RASSF8: variants seen among roughly 807,000 people sequenced by gnomAD.
RASSF8 encodes the protein Ras association domain family member 8, also known as ras association domain-containing protein 8.
In RASSF8, 22 loss-of-function variants were observed where a neutral mutation model predicts 48.5. That is an observed-to-expected ratio of 0.45 (90% CI 0.32 to 0.65). The LOEUF (loss-of-function observed/expected upper bound fraction) is 0.65, where lower values mean the gene tolerates loss of function less well. RASSF8 is among the 30% of genes least tolerant of loss of function. The pLI, the probability that RASSF8 is intolerant of heterozygous loss-of-function variation, is 0.03. For synonymous variants in RASSF8, 127 were observed against 171.5 expected (o/e 0.74, Z 2.03); for missense variants, 418 against 489.2 (o/e 0.85, Z 1.37).
intron 2 of RASSF8, among the ~76,000 whole-genome samples, chr12:26,026,651 G>A (rs558670263): frequency 1.2e-4 from 18 of 152,230 alleles, no homozygotes; most frequent in Admixed American, 1.1e-3. Context: ...GCCCAGGCTG[G>A]TCTTGAACTC....
intron 1 of RASSF8, among the ~76,000 whole-genome samples, chr12:25,992,262 C>A (rs1467434299): frequency 6.6e-6 from 1 of 152,162 alleles, no homozygotes; most frequent in Non-Finnish European, 1.5e-5. Context: ...AGTGTCTCTG[C>A]CCTCAAGAAG....
intron 2 of RASSF8, among the ~76,000 whole-genome samples, chr12:26,048,480 A>C (rs1943420263): frequency 6.6e-6 from 1 of 152,210 alleles, no homozygotes; most frequent in African/African-American, 2.4e-5. Flanking sequence ...GGTGGATTCC[A>C]GTTAGAGGTG....
At chr12:26,043,639 C>T (rs1420606285) in intron 2 of RASSF8, among the ~76,000 whole-genome samples, 2 of 152,104 alleles carry the variant, frequency 1.3e-5, no homozygotes, top group African/African-American at 4.8e-5. Flanking sequence ...CTCAAAGCAG[C>T]GTTATTTGTA....
downstream of RASSF8, among the ~76,000 whole-genome samples, chr12:26,077,518 G>A (rs544519325): frequency 2.0e-5 from 3 of 152,184 alleles, no homozygotes; most frequent in South Asian, 4.1e-4. Context: ...ATTAAATAGG[G>A]AATCCTTTCC....
chr12:25,991,194 T>TA (rs35169097), intron 1 of RASSF8, among the ~76,000 whole-genome samples: 31 of 148,924 alleles, frequency 2.1e-4, no homozygotes, highest in African/African-American at 5.9e-4. Flanking sequence ...TTCTGTTGTT[T>TA]AAAAAAAAAA....
chr12:25,980,413 T>A (rs1941713563), intron 1 of RASSF8, among the ~76,000 whole-genome samples: 2 of 152,246 alleles, frequency 1.3e-5, no homozygotes, highest in African/African-American at 4.8e-5. Context: ...GTTTTCTGCA[T>A]GGGGTAGGAA....
rs142715031 is a variant in RASSF8 at position 26,046,480 on chromosome 12, G to A, written c.-108-8756G>A. Among the ~76,000 whole-genome samples, 286 of 152,158 alleles carry A rather than the reference G, an allele frequency of 1.9e-3. 3 individuals are homozygous for A. Among genetic ancestry groups the A allele is most frequent in the African/African-American group, 6.6e-3 (274 of 41,502 alleles). On this transcript the variant is annotated intron_variant, in intron 2 of 5. Coordinates refer to ENST00000689635, the MANE Select transcript of RASSF8 (RefSeq NM_001394098.1). ...ATAGAGCAACAGATGAGTATTAAAA[G>A]GATTAAATATCTGTTCTGCCTTGGT...
At chr12:26,073,821 T>TACACACACAC (rs757140768), downstream of RASSF8, among the ~76,000 whole-genome samples, 138 of 65,254 alleles carry the variant, frequency 2.1e-3, no homozygotes, top group African/African-American at 8.1e-3. Flanking sequence ...TATATACACA[T>TACACACACAC]ACACACACAC....
At chr12:26,034,817 T>G (rs1943099160) in intron 2 of RASSF8, among the ~76,000 whole-genome samples, 2 of 152,044 alleles carry the variant, frequency 1.3e-5, no homozygotes, top group Non-Finnish European at 2.9e-5. Flanking sequence ...CTATTAAAAT[T>G]CATGATATTT....
rs1465868944 is a variant in RASSF8 at position 26,072,222 on chromosome 12, T to C, written c.*3404T>C. The stretch of plus-strand genomic sequence containing the variant: ...TTGTGTTAAAATTAGCTTATAATTA[T>C]TACTTTTGTATTGTGTTCAGTTTTT... On this transcript the variant is annotated 3_prime_UTR_variant, in exon 6 of 6. Transcript: ENST00000689635. The C allele has an allele frequency of 3.1e-6, 3 of 971,040 alleles. No homozygotes were observed. The highest frequency in any genetic ancestry group is 3.7e-6 in the Non-Finnish European group (3 of 816,962). 60.2% of individuals were successfully genotyped at this position (971,040 alleles called of 1,614,324 possible). A position where few individuals can be genotyped will look rare whatever the true frequency, so the allele number is the denominator to read the frequency against.
intron 5 of RASSF8, among the ~76,000 whole-genome samples, chr12:26,067,990 C>G (rs1943917429): frequency 6.6e-6 from 1 of 152,098 alleles, no homozygotes; most frequent in South Asian, 2.1e-4. Context: ...AGACTAGTCT[C>G]AAACTCCTGA....
chr12:26,044,363 A>G (rs1458562037), intron 2 of RASSF8, among the ~76,000 whole-genome samples: 3 of 152,226 alleles, frequency 2.0e-5, no homozygotes, highest in Non-Finnish European at 4.4e-5. Context: ...GAAGTCAGAT[A>G]TATTAATGAA....
intron 1 of RASSF8, chr12:25,973,627 A>C (rs536621621): frequency 2.3e-4 from 35 of 152,316 alleles, no homozygotes; most frequent in African/African-American, 8.2e-4. Context: ...CCATATGTTG[A>C]CATCCTAACC....
chr12:25,997,407 G>A (rs2136967648), intron 2 of RASSF8, among the ~76,000 whole-genome samples: 1 of 152,130 alleles, frequency 6.6e-6, no homozygotes, highest in South Asian at 2.1e-4. Flanking sequence ...CTGTGCCTCT[G>A]GTAATGGAAA....
chr12:26,074,510 A>T (rs575546425), downstream of RASSF8, among the ~76,000 whole-genome samples: 71 of 144,716 alleles, frequency 4.9e-4, no homozygotes, highest in East Asian at 4.0e-3. Context: ...GCCCAGCCAA[A>T]TTTTTTTTTT....
Position 26,055,464 on chromosome 12 carries a change from G to A in RASSF8, c.103+18G>A, listed in dbSNP as rs2137242283. The A allele has an allele frequency of 5.1e-6, 8 of 1,576,266 alleles. No individual in the cohort carries two copies. Among genetic ancestry groups the A allele is most frequent in the Middle Eastern group, 3.3e-4 (2 of 5,992 alleles). On this transcript the variant is annotated intron_variant, in intron 3 of 5. Coordinates refer to ENST00000689635, the MANE Select transcript of RASSF8 (RefSeq NM_001394098.1). ...AGCAATAGGTGAGTGAACTCTGTGG[G>A]TATCTGAGAAAAGTACATTGTGCTT...
intron 1 of RASSF8, among the ~76,000 whole-genome samples, chr12:25,994,206 T>G (rs1942078525): frequency 6.6e-6 from 1 of 152,134 alleles, no homozygotes; most frequent in Admixed American, 6.5e-5. Flanking sequence ...ACTAGGAAAT[T>G]TAAGGATTTT....
chr12:25,985,055 T>C (rs1239476698), intron 1 of RASSF8, among the ~76,000 whole-genome samples: 1 of 152,186 alleles, frequency 6.6e-6, no homozygotes, highest in East Asian at 1.9e-4. Flanking sequence ...CAGATGCAGA[T>C]TCACACGCAT....
intron 1 of RASSF8, among the ~76,000 whole-genome samples, chr12:25,986,838 C>T (rs928095798): frequency 2.0e-5 from 3 of 152,172 alleles, no homozygotes; most frequent in African/African-American, 7.2e-5. Context: ...TCCACTTCTC[C>T]CCTCTTATGG....
Sources: gnomAD v4.1 joint callset for allele counts (sites outside exome capture counted in the v4.1 genomes callset) on GRCh38, gnomAD v4.1.1 for gene constraint, MANE v1.5 for transcripts, NCBI Gene and HGNC (gene_info 2026-07-23, HGNC 2026-07-21) for gene names.